The following PARVA variants were observed in gnomAD, a reference collection of about 807,000 sequenced individuals.
The protein encoded by PARVA is alpha-parvin.
Under a neutral mutation model 52.6 loss-of-function variants are expected in PARVA, and 25 were observed. That is an observed-to-expected ratio of 0.48 (90% CI 0.35 to 0.66). The LOEUF (loss-of-function observed/expected upper bound fraction) is 0.66. Among genes scored for constraint, PARVA ranks in the 30% least tolerant of loss-of-function variants. PARVA has a pLI of 0.01. For missense variants in PARVA, 373 were observed against 450.9 expected, an observed-to-expected ratio of 0.83 and a Z score of 1.56; for synonymous variants, 185 against 179.1, an observed-to-expected ratio of 1.03 and a Z score of -0.26.
At position 12,509,810 on chromosome 11, in the gene PARVA, TG is replaced by T. The variant is rs539191956; in HGVS notation, c.716+1169del. Reference sequence around the variant, plus strand: ...ATAGGGCACACCTTGGCCTTGGTTCTGTGAGGGATGGGAGGAGCCAGGCCTG... The same window carrying T: ...ATAGGGCACACCTTGGCCTTGGTTCTTGAGGGATGGGAGGAGCCAGGCCTG... On this transcript the variant is annotated intron_variant, in intron 7 of 12. Transcript: ENST00000334956. Among the ~76,000 whole-genome samples, 604 of 152,300 alleles carry T rather than the reference TG, an allele frequency of 4.0e-3. 4 individuals carry two copies. The highest frequency in any genetic ancestry group is 0.014 in the African/African-American group (562 of 41,560).
At chr11:12,502,848 T>C (rs1343320339) in intron 5 of PARVA, among the ~76,000 whole-genome samples, 1 of 152,130 alleles carries the variant, frequency 6.6e-6, no homozygotes, top group Non-Finnish European at 1.5e-5. Flanking sequence ...CTTTACAACC[T>C]GTACATCCAC....
chr11:12,415,303 A>G (rs1329466559), intron 1 of PARVA, among the ~76,000 whole-genome samples: 1 of 152,186 alleles, frequency 6.6e-6, no homozygotes, highest in Non-Finnish European at 1.5e-5. Flanking sequence ...AGAGTACACA[A>G]AGTTTCGTGT....
Position 12,535,197 on chromosome 11 carries a change from T to C in PARVA, c.*7272T>C, listed in dbSNP as rs1299274149. 6.6e-6 allele frequency among the ~76,000 whole-genome samples: 1 copy of C among 152,228 alleles called. No homozygotes were observed. ...TGGAATTGTGTGTTGTCTAGACCCA[T>C]GGCCAAGACTGTCATTGCCTGTGAG... is the stretch of plus-strand genomic sequence containing the variant. On this transcript the variant is annotated 3_prime_UTR_variant, in exon 13 of 13. Transcript: ENST00000334956.
chr11:12,478,311 T>C, intron 4 of PARVA: 2 of 361,232 alleles, frequency 5.5e-6, no homozygotes, highest in Non-Finnish European at 5.4e-6. Flanking sequence ...TGGGCCTGAG[T>C]ATGCATTTTT....
intron 4 of PARVA, among the ~76,000 whole-genome samples, chr11:12,492,660 C>T (rs1941247625): frequency 6.6e-6 from 1 of 152,044 alleles, no homozygotes; most frequent in Non-Finnish European, 1.5e-5. Flanking sequence ...TAAAATATGT[C>T]ACATAAGCCT....
chr11:12,414,778 A>G lies in PARVA; in HGVS notation c.136+36995A>G, dbSNP rs150139951. On this transcript the variant is annotated intron_variant, in intron 1 of 12. Transcript: ENST00000334956. Reference sequence around the variant, plus strand: ...TCAAAACATGGAATTAGATTCTTACAGCGTTAGTTGCGTGGAGCCATCTGC... The same window carrying G: ...TCAAAACATGGAATTAGATTCTTACGGCGTTAGTTGCGTGGAGCCATCTGC... Among the ~76,000 whole-genome samples, 83 of 152,364 alleles carry G rather than the reference A, an allele frequency of 5.4e-4. No individual in the cohort carries two copies. The East Asian group carries it at 0.015, about 28-fold the overall frequency.
chr11:12,449,984 TGCCA>T (rs1454843250), intron 1 of PARVA, among the ~76,000 whole-genome samples: 9 of 152,264 alleles, frequency 5.9e-5, no homozygotes, highest in African/African-American at 2.2e-4. Flanking sequence ...TCTTACCATG[TGCCA>T]GGTATTGTTC....
rs1291943801 is a variant in PARVA, at chr11:12,474,000, A to G, written c.297+17A>G. 2 of 1,558,950 alleles carry G rather than the reference A, an allele frequency of 1.3e-6. No individual in the cohort carries two copies. The highest frequency in any genetic ancestry group is 1.7e-6 in the Non-Finnish European group (2 of 1,150,802). On this transcript the variant is annotated intron_variant, in intron 3 of 12. Transcript: ENST00000334956. Reference sequence around the variant, plus strand: ...CTGATGAAGGTAAGAAGAAATCAGGAGCGGCTTCAGGTGCCTCACTGACCC... The same window carrying G: ...CTGATGAAGGTAAGAAGAAATCAGGGGCGGCTTCAGGTGCCTCACTGACCC...
At chr11:12,432,716 C>T (rs1791118182) in intron 1 of PARVA, among the ~76,000 whole-genome samples, 1 of 152,202 alleles carries the variant, frequency 6.6e-6, no homozygotes, top group Non-Finnish European at 1.5e-5. Context: ...GCTCTTGCGT[C>T]ATTTTTTTCT....
chr11:12,517,327 A>ACCCCCCC (rs1941581550), intron 10 of PARVA, among the ~76,000 whole-genome samples: 2 of 44,116 alleles, frequency 4.5e-5, no homozygotes, highest in East Asian at 9.9e-4. Flanking sequence ...CCCACCCCCC[A>ACCCCCCC]CCATGCTCTG....
At chr11:12,426,626 C>T (rs1156595667) in intron 1 of PARVA, among the ~76,000 whole-genome samples, 1 of 152,172 alleles carries the variant, frequency 6.6e-6, no homozygotes, top group African/African-American at 2.4e-5. Context: ...TTAATATGCT[C>T]ATTTTCAGTG....
At chr11:12,427,915 C>T (rs540484667) in intron 1 of PARVA, among the ~76,000 whole-genome samples, 10 of 152,306 alleles carry the variant, frequency 6.6e-5, no homozygotes, top group African/African-American at 2.4e-4. Context: ...CGTGTGTCCC[C>T]GAAGCTTGTA....
At chr11:12,391,114 G>T (rs909386371) in intron 1 of PARVA, among the ~76,000 whole-genome samples, 1 of 152,172 alleles carries the variant, frequency 6.6e-6, no homozygotes, top group Non-Finnish European at 1.5e-5. Context: ...ACTATAGAGA[G>T]GCAGATTGAT....
At chr11:12,382,154 A>C (rs971226824) in intron 1 of PARVA, among the ~76,000 whole-genome samples, 1 of 152,246 alleles carries the variant, frequency 6.6e-6, no homozygotes, top group Non-Finnish European at 1.5e-5. Flanking sequence ...ACAGTGGTAC[A>C]GTATGTACTA....
intron 1 of PARVA, among the ~76,000 whole-genome samples, chr11:12,397,092 C>G (rs1052412635): frequency 6.6e-6 from 1 of 152,102 alleles, no homozygotes; most frequent in African/African-American, 2.4e-5. Context: ...GGGGATTGAC[C>G]TCATTTTTAT....
intron 5 of PARVA, among the ~76,000 whole-genome samples, chr11:12,497,241 A>G (rs966299315): frequency 1.3e-5 from 2 of 152,168 alleles, no homozygotes; most frequent in East Asian, 1.9e-4. Flanking sequence ...ATGAGTCCCT[A>G]TCAGAATTAA....
At chr11:12,448,531 C>T (rs768100235) in intron 1 of PARVA, among the ~76,000 whole-genome samples, 1 of 152,170 alleles carries the variant, frequency 6.6e-6, no homozygotes, top group Non-Finnish European at 1.5e-5. Context: ...GATTCTTGGA[C>T]AGGGATTCAT....
intron 1 of PARVA, among the ~76,000 whole-genome samples, chr11:12,468,204 C>T (rs911125491): frequency 6.6e-6 from 1 of 152,216 alleles, no homozygotes; most frequent in Non-Finnish European, 1.5e-5. Context: ...TGCATTGCAT[C>T]TGCGGGCCTA....
At chr11:12,377,554 T>G, upstream of PARVA, 1 of 1,482,602 alleles carries the variant, frequency 6.7e-7, no homozygotes, top group African/African-American at 1.5e-5. Flanking sequence ...CGCTTCCGTT[T>G]GGAAAGCCGC....
Sources: gnomAD v4.1 joint callset for allele counts (sites outside exome capture counted in the v4.1 genomes callset) on GRCh38, gnomAD v4.1.1 for gene constraint, MANE v1.5 for transcripts, NCBI Gene and HGNC (gene_info 2026-07-23, HGNC 2026-07-21) for gene names.